The following DLGAP1 variants were observed in gnomAD, a reference collection of about 807,000 sequenced individuals.
DLGAP1 encodes the protein DLG associated protein 1.
A neutral mutation model predicts 90.8 loss-of-function variants in DLGAP1; 11 were observed. The ratio of observed to expected loss-of-function variants is 0.12; its 90% CI spans 0.08 to 0.20. The LOEUF (loss-of-function observed/expected upper bound fraction) is 0.20. DLGAP1 is among the 10% of genes least tolerant of loss of function. The pLI is 1.00. For missense variants in DLGAP1, 1,050 were observed against 1,333.8 expected, an observed-to-expected ratio of 0.79 and a Z score of 3.31; for synonymous variants, 558 against 540.7, an observed-to-expected ratio of 1.03 and a Z score of -0.44.
chr18:3,739,597 A>C (rs1461986385), intron 6 of DLGAP1, among the ~76,000 whole-genome samples: 4 of 129,298 alleles, frequency 3.1e-5, no homozygotes, highest in Admixed American at 8.9e-5. Context: ...GGACACAGGA[A>C]GGGGAACATC....
At chr18:4,315,926 G>C (rs2080514198) in intron 1 of DLGAP1, among the ~76,000 whole-genome samples, 1 of 152,158 alleles carries the variant, frequency 6.6e-6, no homozygotes, top group African/African-American at 2.4e-5. Context: ...ATGGCCTAAG[G>C]AGTTCATAGG....
At chr18:4,093,307 T>C (rs1037056539) in intron 2 of DLGAP1, among the ~76,000 whole-genome samples, 1 of 152,208 alleles carries the variant, frequency 6.6e-6, no homozygotes, top group Non-Finnish European at 1.5e-5. Context: ...CTATCTAGGC[T>C]TTGAGCTTTT....
At chr18:3,979,901 C>T (rs887618869) in intron 3 of DLGAP1, among the ~76,000 whole-genome samples, 13 of 152,174 alleles carry the variant, frequency 8.5e-5, no homozygotes, top group African/African-American at 2.9e-4. Flanking sequence ...TTTGGGAAGC[C>T]GAGGCAGGTG....
At chr18:3,501,213 CA>C (rs1568082863) in intron 12 of DLGAP1, among the ~76,000 whole-genome samples, 1 of 142,786 alleles carries the variant, frequency 7.0e-6, no homozygotes, top group East Asian at 2.0e-4. Flanking sequence ...CCACCATGCC[CA>C]GCCAACAATG....
At chr18:3,819,639 A>G (rs1191671899) in intron 4 of DLGAP1, among the ~76,000 whole-genome samples, 1 of 152,180 alleles carries the variant, frequency 6.6e-6, no homozygotes, top group African/African-American at 2.4e-5. Context: ...GGATATGAAG[A>G]GTAAATATTA....
chr18:4,363,712 T>C (rs1015243238), intron 1 of DLGAP1, among the ~76,000 whole-genome samples: 2 of 152,110 alleles, frequency 1.3e-5, no homozygotes, highest in Admixed American at 6.5e-5. Context: ...TGAGATACCA[T>C]CTCACACCAG....
intron 3 of DLGAP1, among the ~76,000 whole-genome samples, chr18:4,000,176 A>C (rs1156863906): frequency 6.6e-6 from 1 of 152,082 alleles, no homozygotes; most frequent in African/African-American, 2.4e-5. Flanking sequence ...TAACATCTTC[A>C]TATTATCTAT....
intron 1 of DLGAP1, among the ~76,000 whole-genome samples, chr18:4,213,401 AAGG>A (rs902579451): frequency 2.5e-4 from 38 of 152,276 alleles, no homozygotes; most frequent in Admixed American, 2.2e-3. Context: ...GAAGAATGGA[AAGG>A]AGTAGATGCA....
intron 3 of DLGAP1, among the ~76,000 whole-genome samples, chr18:3,971,593 T>C (rs1381392777): frequency 1.3e-5 from 2 of 152,240 alleles, no homozygotes; most frequent in Non-Finnish European, 2.9e-5. Context: ...CCCAAGTGTT[T>C]GCAGACTGCA....
chr18:3,652,182 A>AAAG (rs1567902404), intron 7 of DLGAP1, among the ~76,000 whole-genome samples: 1 of 135,746 alleles, frequency 7.4e-6, no homozygotes, highest in African/African-American at 3.6e-5. Flanking sequence ...AAAAAAAAAG[A>AAAG]AAAGAAAGAA....
At chr18:3,603,663 G>C (rs1162844848) in intron 7 of DLGAP1, 6 of 154,144 alleles carry the variant, frequency 3.9e-5, no homozygotes, top group Non-Finnish European at 5.9e-5. Flanking sequence ...TGTTAGCTCC[G>C]GCAGTTGGAT....
chr18:3,747,999 C>T (rs2063340060), intron 5 of DLGAP1, among the ~76,000 whole-genome samples: 1 of 152,214 alleles, frequency 6.6e-6, no homozygotes, highest in South Asian at 2.1e-4. Context: ...GAAAGTTGAT[C>T]TGCTCAGAAG....
At chr18:3,765,385 C>A (rs915038358) in intron 5 of DLGAP1, among the ~76,000 whole-genome samples, 1 of 151,420 alleles carries the variant, frequency 6.6e-6, no homozygotes, top group African/African-American at 2.4e-5. Context: ...CCACCTTGGC[C>A]TCCCAAAGTG....
At position 4,004,837 on chromosome 18, in the gene DLGAP1, A is replaced by G. The variant is rs369759720; in HGVS notation, c.-73+279T>C. ...TTGTGTGCATTGACATTTTCGGCACAGGCATTTCTTTCTATATTATGGTTC... is the reference window on the plus strand; with the variant it reads ...TTGTGTGCATTGACATTTTCGGCACGGGCATTTCTTTCTATATTATGGTTC... On this transcript the variant is annotated intron_variant, in intron 3 of 12. Transcript: ENST00000315677. Among the ~76,000 whole-genome samples the G allele has an allele frequency of 3.2e-4, 49 of 152,208 alleles. 3 individuals carry two copies. The South Asian group carries it at 3.9e-3, about 12-fold the overall frequency.
intron 2 of DLGAP1, among the ~76,000 whole-genome samples, chr18:4,102,775 C>T (rs72858703): frequency 0.043 from 6,529 of 152,252 alleles, 190 homozygotes; most frequent in Non-Finnish European, 0.071. Context: ...TAAATATCTA[C>T]ACATACTTGA....
chr18:3,615,459 G>A (rs1296014329), intron 7 of DLGAP1, among the ~76,000 whole-genome samples: 3 of 152,148 alleles, frequency 2.0e-5, no homozygotes, highest in Non-Finnish European at 1.5e-5. Flanking sequence ...GGAAAACTGG[G>A]TCACAAGAAG....
chr18:3,614,163 G>A (rs948548831), intron 7 of DLGAP1, among the ~76,000 whole-genome samples: 7 of 148,846 alleles, frequency 4.7e-5, no homozygotes, highest in Non-Finnish European at 1.0e-4. Context: ...CAGGCAATCC[G>A]CCCGCCTCGG....
At chr18:4,376,856 T>C (rs2082024699) in intron 1 of DLGAP1, among the ~76,000 whole-genome samples, 1 of 152,122 alleles carries the variant, frequency 6.6e-6, no homozygotes, top group Non-Finnish European at 1.5e-5. Flanking sequence ...GCATTGTGCA[T>C]TGGGGCACTA....
At chr18:3,935,326 GATTA>G (rs530717258) in intron 3 of DLGAP1, among the ~76,000 whole-genome samples, 346 of 152,332 alleles carry the variant, frequency 2.3e-3, no homozygotes, top group Non-Finnish European at 3.0e-3. Context: ...AAGACTTGAA[GATTA>G]ATTAAGTGTT....
Sources: gnomAD v4.1 joint callset for allele counts (sites outside exome capture counted in the v4.1 genomes callset) on GRCh38, gnomAD v4.1.1 for gene constraint, MANE v1.5 for transcripts, NCBI Gene and HGNC (gene_info 2026-07-23, HGNC 2026-07-21) for gene names.